The following TRAPPC9 variants were observed in gnomAD, a reference collection of about 807,000 sequenced individuals.
The protein encoded by TRAPPC9 is IKK2 binding protein.
In TRAPPC9, 83 loss-of-function variants were observed where a neutral mutation model predicts 124.0. The ratio of observed to expected loss-of-function variants is 0.67; its 90% CI spans 0.56 to 0.80. The LOEUF is 0.80. Ranked by LOEUF, TRAPPC9 falls within the 30% of genes least tolerant of loss-of-function variation. TRAPPC9 has a pLI of 0.00. For synonymous variants in TRAPPC9, 638 were observed against 617.5 expected (o/e 1.03, Z -0.49); for missense variants, 1,302 against 1,508.3 (o/e 0.86, Z 2.27).
chr8:139,817,665 C>T lies in TRAPPC9; in HGVS notation c.3055+68214G>A, dbSNP rs115553693. Among the ~76,000 whole-genome samples the T allele has an allele frequency of 8.7e-3, 1,329 of 152,364 alleles. 26 individuals are homozygous for T. Among genetic ancestry groups the T allele is most frequent in the African/African-American group, 0.03 (1,259 of 41,584 alleles). On this transcript the variant is annotated intron_variant, in intron 21 of 22. Transcript: ENST00000438773. Reference sequence around the variant, plus strand: ...GCTTGGGCCCATGGCTGCTGCTCACCGCACAGCCTTCTCTTTAGAAGGTTT... The same window carrying T: ...GCTTGGGCCCATGGCTGCTGCTCACTGCACAGCCTTCTCTTTAGAAGGTTT...
intron 20 of TRAPPC9, among the ~76,000 whole-genome samples, chr8:139,893,941 G>A (rs1167730162): frequency 1.3e-5 from 2 of 152,184 alleles, no homozygotes; most frequent in Non-Finnish European, 2.9e-5. Flanking sequence ...CTGCCCACAG[G>A]GGCACGGGGC....
At chr8:139,770,152 C>A (rs1032271057) in intron 21 of TRAPPC9, among the ~76,000 whole-genome samples, 5 of 152,238 alleles carry the variant, frequency 3.3e-5, no homozygotes, top group Non-Finnish European at 5.9e-5. Flanking sequence ...CAGGACCCTT[C>A]ATTTCCTAAG....
At chr8:140,350,099 G>A (rs1049479416) in intron 9 of TRAPPC9, among the ~76,000 whole-genome samples, 2 of 152,304 alleles carry the variant, frequency 1.3e-5, no homozygotes, top group South Asian at 2.1e-4. Context: ...TGGGATCTGC[G>A]GCAGCCTTGG....
At chr8:140,391,712 CAA>C (rs1238939604) in intron 7 of TRAPPC9, among the ~76,000 whole-genome samples, 37 of 75,382 alleles carry the variant, frequency 4.9e-4, no homozygotes, top group Admixed American at 1.0e-3. Context: ...AACTCTGTCT[CAA>C]AAAAAAAAAA....
rs141596857 is a variant in TRAPPC9 at position 139,988,793 on chromosome 8, C to T, written c.2743G>A (p.Glu915Lys). Residue 915 changes from glutamate to lysine, a missense_variant, in exon 19 of 23, where the codon GAG becomes AAG. Physicochemically the swap from Glu to Lys is moderately conservative, Grantham distance 56. Around this residue, in one of 3 missense-constraint regions of TRAPPC9, gnomAD observed 640 missense variants for 679.3 expected, o/e 0.94. Transcript: ENST00000438773. ...CTGGTGCTGACGGTCAGCTCATGCT[C>T]GGTGGAGTTGAAGACATCCAGGAGC... The part of the protein sequence containing the change: ...HLLLDVFNST[E>K]HELTVSTRSS... 5.2e-6 allele frequency: 8 copies of T among 1,551,502 alleles called. No homozygotes were observed. In the Admixed American group the frequency reaches 7.8e-5, roughly 15 times the overall value.
At chr8:140,314,564 A>G (rs2066394771) in intron 9 of TRAPPC9, among the ~76,000 whole-genome samples, 1 of 152,174 alleles carries the variant, frequency 6.6e-6, no homozygotes, top group Non-Finnish European at 1.5e-5. Flanking sequence ...TAACTAGAGC[A>G]TTGTATCCAC....
At chr8:140,183,650 G>C (rs1200892535) in intron 17 of TRAPPC9, among the ~76,000 whole-genome samples, 1 of 151,890 alleles carries the variant, frequency 6.6e-6, no homozygotes, top group Non-Finnish European at 1.5e-5. Context: ...CCTGAGGTCA[G>C]GGGTTCGAGA....
chr8:139,741,160 A>G (rs898666), intron 21 of TRAPPC9, among the ~76,000 whole-genome samples: 130,334 of 152,070 alleles, frequency 0.86, 55,902 homozygotes, highest in East Asian at 0.89. Context: ...CCCATTGGGC[A>G]TGATGCTCCC....
chr8:139,988,606 A>G, intron 19 of TRAPPC9, 120 bp downstream of exon 19: 2 of 718,862 alleles, frequency 2.8e-6, no homozygotes, highest in East Asian at 5.4e-5. Context: ...GTATCTCTGA[A>G]AGGGAGACAA....
chr8:140,367,417 G>A (rs2068146949), intron 8 of TRAPPC9, among the ~76,000 whole-genome samples: 1 of 152,174 alleles, frequency 6.6e-6, no homozygotes, highest in Admixed American at 6.5e-5. Flanking sequence ...CTATCAAGCT[G>A]AGAAAAGATA....
At chr8:139,782,839 A>G (rs755203520) in intron 21 of TRAPPC9, among the ~76,000 whole-genome samples, 33 of 152,244 alleles carry the variant, frequency 2.2e-4, no homozygotes, top group Non-Finnish European at 3.4e-4. Context: ...CAAGTCATAC[A>G]ATGGATGTTC....
At chr8:140,316,548 A>G (rs552582312) in intron 9 of TRAPPC9, among the ~76,000 whole-genome samples, 2 of 152,300 alleles carry the variant, frequency 1.3e-5, no homozygotes, top group African/African-American at 4.8e-5. Flanking sequence ...TTAATGTGAT[A>G]TGTCACATCT....
chr8:140,338,014 C>T (rs567758896), intron 9 of TRAPPC9, among the ~76,000 whole-genome samples: 1 of 152,234 alleles, frequency 6.6e-6, no homozygotes, highest in South Asian at 2.1e-4. Flanking sequence ...TAAAGAGGGC[C>T]TCCGTATTTT....
intron 17 of TRAPPC9, among the ~76,000 whole-genome samples, chr8:140,084,194 C>T (rs1002727741): frequency 2.0e-5 from 3 of 152,130 alleles, no homozygotes; most frequent in Non-Finnish European, 4.4e-5. Flanking sequence ...GCAGTGGAAC[C>T]ATGGTTAATT....
chr8:139,933,190 G>A (rs79020994), intron 19 of TRAPPC9: 3,015 of 152,936 alleles, frequency 0.02, 25 homozygotes, highest in Middle Eastern at 0.041. Context: ...GCTCTGAATC[G>A]TACCTGGATT....
intron 15 of TRAPPC9, among the ~76,000 whole-genome samples, chr8:140,267,835 T>G (rs1459584854): frequency 6.6e-6 from 1 of 152,100 alleles, no homozygotes; most frequent in Non-Finnish European, 1.5e-5. Flanking sequence ...CACAGCCAAT[T>G]TTTGTATTTT....
Position 139,952,184 on chromosome 8 carries a change from A to G in TRAPPC9, c.2810+36542T>C, listed in dbSNP as rs538763595. Among the ~76,000 whole-genome samples, 85 of 152,362 alleles carry G rather than the reference A, an allele frequency of 5.6e-4. 1 individual carries two copies. Among genetic ancestry groups the G allele is most frequent in the Middle Eastern group, 6.8e-3 (2 of 294 alleles). On this transcript the variant is annotated intron_variant, in intron 19 of 22. Coordinates refer to ENST00000438773, the MANE Select transcript of TRAPPC9 (RefSeq NM_001160372.4). ...ATTTTTGTGGCTAAAGCCCTGATCC[A>G]CATTACTTTCAGAATTAGATTAATA...
chr8:140,010,865 T>C lies in TRAPPC9; in HGVS notation c.2699+13072A>G, dbSNP rs558574540. On this transcript the variant is annotated intron_variant, in intron 18 of 22. Coordinates refer to ENST00000438773, the MANE Select transcript of TRAPPC9 (RefSeq NM_001160372.4). ...CAAAACTGCTTGAAACAGTAGAACATAGAAAACAAACCTCACTCAACAGAG... is the reference window on the plus strand; with the variant it reads ...CAAAACTGCTTGAAACAGTAGAACACAGAAAACAAACCTCACTCAACAGAG... Among the ~76,000 whole-genome samples the C allele has an allele frequency of 1.7e-4, 26 of 152,174 alleles. No individual in the cohort carries two copies. In the South Asian group the frequency reaches 4.4e-3, roughly 26 times the overall value.
chr8:140,296,557 C>T (rs954968077), intron 11 of TRAPPC9, among the ~76,000 whole-genome samples: 3 of 152,236 alleles, frequency 2.0e-5, no homozygotes, highest in African/African-American at 7.2e-5. Context: ...TGGGCCACCA[C>T]ACTCGGCCAA....
Sources: gnomAD v4.1 joint callset for allele counts (sites outside exome capture counted in the v4.1 genomes callset) on GRCh38, gnomAD v4.1.1 for gene constraint, gnomAD v4.1.1 regional missense constraint, MANE v1.5 for transcripts, NCBI Gene and HGNC (gene_info 2026-07-23, HGNC 2026-07-21) for gene names.